The following ULK4 variants were observed in gnomAD, a reference collection of about 807,000 sequenced individuals.
ULK4 encodes the protein unc-51 like kinase 4, also known as inactive serine/threonine-protein kinase ULK4.
ULK4 carries 133 observed loss-of-function variants against 160.6 expected under a neutral mutation model. The ratio of observed to expected loss-of-function variants is 0.83; its 90% CI spans 0.72 to 0.96. The LOEUF (loss-of-function observed/expected upper bound fraction) is 0.96. Among genes scored for constraint, ULK4 ranks in the 40% least tolerant of loss-of-function variants. The pLI is 0.00. For synonymous variants in ULK4, 534 were observed against 539.8 expected, an observed-to-expected ratio of 0.99 and a Z score of 0.15; for missense variants, 1,580 against 1,499.5, an observed-to-expected ratio of 1.05 and a Z score of -0.89.
intron 17 of ULK4, among the ~76,000 whole-genome samples, chr3:41,867,503 C>A (rs1696939526): frequency 6.6e-6 from 1 of 152,186 alleles, no homozygotes; most frequent in Non-Finnish European, 1.5e-5. Context: ...TCCCAAGTAG[C>A]TGGGATTACC....
At position 41,734,673 on chromosome 3, in the gene ULK4, C is replaced by G. The variant is rs187408475; in HGVS notation, c.2322-16812G>C. On this transcript the variant is annotated intron_variant, in intron 22 of 36. Transcript: ENST00000301831. ...AAAGCAAGGAATGTAGATTAAGCCC[C>G]TATTATGAGCCCTAAAACTACAAAG... Among the ~76,000 whole-genome samples, 13 of 152,262 alleles carry G rather than the reference C, an allele frequency of 8.5e-5. No homozygotes were observed. In the East Asian group the frequency reaches 2.5e-3, roughly 29 times the overall value.
chr3:41,663,780 C>T lies in ULK4; in HGVS notation c.2979-81G>A, dbSNP rs2035263610. The T allele has an allele frequency of 2.6e-6, 3 of 1,140,530 alleles. No individual in the cohort carries two copies. In the East Asian group the frequency reaches 7.1e-5, roughly 27 times the overall value. 70.7% of individuals were successfully genotyped at this position (1,140,530 alleles called of 1,614,324 possible). ...TGAATTCTATATCCAGCCAAACTAT[C>T]AATTTAGCTTAAGACAGAAAGATAT... On this transcript the variant is annotated intron_variant, in intron 29 of 36. Coordinates refer to ENST00000301831, the MANE Select transcript of ULK4 (RefSeq NM_017886.4).
intron 21 of ULK4, among the ~76,000 whole-genome samples, chr3:41,760,677 G>T (rs1465772272): frequency 6.6e-6 from 1 of 151,952 alleles, no homozygotes; most frequent in Non-Finnish European, 1.5e-5. Context: ...TTTTATACAA[G>T]GTGTATATGA....
At chr3:41,938,309 T>G in intron 2 of ULK4, 112 bp from the exon 3 acceptor site, 1 of 745,298 alleles carries the variant, frequency 1.3e-6, no homozygotes, top group Non-Finnish European at 2.1e-6. Context: ...GTGACATTTA[T>G]TTGGTGGAAT....
chr3:41,629,082 G>T (rs957027234), intron 30 of ULK4, among the ~76,000 whole-genome samples: 1 of 152,090 alleles, frequency 6.6e-6, no homozygotes, highest in African/African-American at 2.4e-5. Flanking sequence ...GTTACCTTTT[G>T]CTGCATAACT....
At chr3:41,596,258 G>T (rs1400326567) in intron 31 of ULK4, among the ~76,000 whole-genome samples, 1 of 152,200 alleles carries the variant, frequency 6.6e-6, no homozygotes, top group African/African-American at 2.4e-5. Context: ...ACATAAAGCA[G>T]CATGAATTTC....
At chr3:41,400,863 A>G (rs2082165213) in intron 34 of ULK4, among the ~76,000 whole-genome samples, 2 of 152,006 alleles carry the variant, frequency 1.3e-5, no homozygotes, top group South Asian at 4.1e-4. Context: ...CTATTTTTTT[A>G]TTTTAGCCAC....
At chr3:41,693,895 G>A (rs1188633864) in intron 27 of ULK4, among the ~76,000 whole-genome samples, 4 of 152,160 alleles carry the variant, frequency 2.6e-5, no homozygotes, top group African/African-American at 4.8e-5. Context: ...TACTTCAAAC[G>A]AATATTATAA....
intron 33 of ULK4, among the ~76,000 whole-genome samples, chr3:41,459,953 A>G (rs2083645033): frequency 6.6e-6 from 1 of 152,206 alleles, no homozygotes; most frequent in African/African-American, 2.4e-5. Context: ...GGGAGAAACT[A>G]TCAGGACTAT....
intron 35 of ULK4, among the ~76,000 whole-genome samples, chr3:41,376,237 T>G (rs1282548728): frequency 1.3e-5 from 2 of 150,316 alleles, no homozygotes; most frequent in East Asian, 4.1e-4. Context: ...GATCTGGAAC[T>G]AGAAATACCA....
intron 34 of ULK4, among the ~76,000 whole-genome samples, chr3:41,445,812 G>A (rs1448829904): frequency 1.3e-5 from 2 of 152,160 alleles, no homozygotes; most frequent in East Asian, 3.9e-4. Context: ...ACATAGGCAT[G>A]GGCAAGGACT....
At chr3:41,471,761 G>C (rs141469821) in intron 32 of ULK4, among the ~76,000 whole-genome samples, 96 of 151,848 alleles carry the variant, frequency 6.3e-4, no homozygotes, top group Non-Finnish European at 1.2e-3. Context: ...CAACCAATGA[G>C]TTAATAAAGA....
At chr3:41,530,504 T>C (rs2086269164) in intron 32 of ULK4, among the ~76,000 whole-genome samples, 1 of 152,166 alleles carries the variant, frequency 6.6e-6, no homozygotes, top group Admixed American at 6.6e-5. Flanking sequence ...AACAGAACTG[T>C]ACTAGAACCC....
chr3:41,786,115 T>C (rs1200939843), intron 21 of ULK4, among the ~76,000 whole-genome samples: 1 of 152,164 alleles, frequency 6.6e-6, no homozygotes, highest in Non-Finnish European at 1.5e-5. Flanking sequence ...AGTCACTCTA[T>C]CACATACCCT....
chr3:41,425,686 A>G (rs986717004), intron 34 of ULK4, among the ~76,000 whole-genome samples: 2 of 152,214 alleles, frequency 1.3e-5, no homozygotes. Context: ...GACTAAGCTC[A>G]TAAGTTAAGG....
intron 29 of ULK4, among the ~76,000 whole-genome samples, chr3:41,675,137 G>C (rs1472862908): frequency 6.6e-6 from 1 of 152,000 alleles, no homozygotes; most frequent in Non-Finnish European, 1.5e-5. Context: ...CCACTCGGGA[G>C]GCTGAGGCAG....
At position 41,415,625 on chromosome 3, in the gene ULK4, G is replaced by A. The variant is rs148341199; in HGVS notation, c.3493-17361C>T. ...ACATAAATCACGGCTCAGTTCAAAG[G>A]TCACCTCCTAAGAGAGTTCTTCCCT... On this transcript the variant is annotated intron_variant, in intron 34 of 36. Coordinates refer to ENST00000301831, the MANE Select transcript of ULK4 (RefSeq NM_017886.4). 1.4e-4 allele frequency among the ~76,000 whole-genome samples: 21 copies of A among 152,178 alleles called. No homozygotes were observed. The East Asian group carries it at 3.9e-3, about 28-fold the overall frequency.
intron 35 of ULK4, among the ~76,000 whole-genome samples, chr3:41,255,129 TACACACACACACAC>T (rs369404667): frequency 1.4e-5 from 2 of 144,178 alleles, no homozygotes; most frequent in Non-Finnish European, 3.0e-5. Flanking sequence ...AAATTATGGC[TACACACACACACAC>T]ACACACACAC....
chr3:41,473,636 T>C (rs1307134314), intron 32 of ULK4, among the ~76,000 whole-genome samples: 1 of 121,938 alleles, frequency 8.2e-6, no homozygotes, highest in African/African-American at 3.4e-5. Context: ...CACTCCAGGC[T>C]GGGCAACAGA....
Sources: allele counts gnomAD v4.1 joint callset (sites outside exome capture counted in the v4.1 genomes callset), GRCh38; gene constraint gnomAD v4.1.1; transcripts MANE v1.5; gene names NCBI Gene and HGNC (gene_info 2026-07-23, HGNC 2026-07-21).